SH3RF3: variants seen among roughly 807,000 people sequenced by gnomAD.
SH3RF3 encodes SH3 domain containing ring finger 3, also known as E3 ubiquitin-protein ligase SH3RF3.
In SH3RF3, 29 loss-of-function variants were observed where a neutral mutation model predicts 66.3. The observed-to-expected ratio is 0.44, with a 90% CI of 0.33 to 0.60. The LOEUF (loss-of-function observed/expected upper bound fraction) is 0.60, where lower values mean the gene tolerates loss of function less well. Ranked by LOEUF, SH3RF3 falls within the 20% of genes least tolerant of loss-of-function variation. The pLI is 0.04. For synonymous variants in SH3RF3, 583 were observed against 532.0 expected (o/e 1.10, Z -1.32); for missense variants, 1,194 against 1,190.9 (o/e 1.00, Z -0.04).
chr2:109,428,736 T>C (rs1433331816), intron 5 of SH3RF3, among the ~76,000 whole-genome samples: 1 of 152,220 alleles, frequency 6.6e-6, no homozygotes, highest in East Asian at 1.9e-4. Context: ...GCAGAGGTGA[T>C]GTCTGAGCAT....
chr2:109,312,284 T>C (rs1171654014), intron 1 of SH3RF3, among the ~76,000 whole-genome samples: 2 of 152,170 alleles, frequency 1.3e-5, no homozygotes, highest in Non-Finnish European at 2.9e-5. Context: ...CCACTTTTCT[T>C]GTGAATGAGC....
At chr2:109,447,193 G>GA (rs1241725685) in intron 7 of SH3RF3, among the ~76,000 whole-genome samples, 66 of 120,550 alleles carry the variant, frequency 5.5e-4, no homozygotes, top group African/African-American at 6.9e-4. Flanking sequence ...AAAGAAAACA[G>GA]AAAAAAAAAA....
At position 109,490,815 on chromosome 2, in the gene SH3RF3, G is replaced by A; in HGVS notation, c.2359G>A (p.Gly787Arg). The A allele has an allele frequency of 1.3e-6, 2 of 1,537,042 alleles. No homozygotes were observed. Among genetic ancestry groups the A allele is most frequent in the East Asian group, 2.4e-5 (1 of 40,900 alleles). The change falls in exon 9 of 10, where the codon GGG (glycine) becomes AGG (arginine). Residue 787 changes from glycine to arginine, a missense_variant. By Grantham distance (125) the Gly-to-Arg change is moderately radical. Transcript: ENST00000309415. ...PIESEMQGAM[G>R]MEPLHRKAGS... Reference sequence around the variant, plus strand: ...AGAGAGCGAGATGCAGGGTGCCATGGGGATGGAGCCTCTGCACAGGAAGGC... The same window carrying A: ...AGAGAGCGAGATGCAGGGTGCCATGAGGATGGAGCCTCTGCACAGGAAGGC...
At chr2:109,261,797 C>G (rs1475111043) in intron 1 of SH3RF3, among the ~76,000 whole-genome samples, 1 of 152,108 alleles carries the variant, frequency 6.6e-6, no homozygotes, top group East Asian at 1.9e-4. Flanking sequence ...GGAGGTGGGT[C>G]ACCCTACTGG....
intron 1 of SH3RF3, among the ~76,000 whole-genome samples, chr2:109,238,677 C>T (rs1679706032): frequency 6.6e-6 from 1 of 152,174 alleles, no homozygotes; most frequent in South Asian, 2.1e-4. Flanking sequence ...AGAGTGCTCA[C>T]AGGATGGCCT....
chr2:109,167,387 T>C (rs1417617673), intron 1 of SH3RF3, among the ~76,000 whole-genome samples: 2 of 152,198 alleles, frequency 1.3e-5, no homozygotes, highest in South Asian at 4.1e-4. Flanking sequence ...GGACCATATT[T>C]GATATAAAAG....
intron 2 of SH3RF3, among the ~76,000 whole-genome samples, chr2:109,361,904 G>A (rs940829447): frequency 1.3e-5 from 2 of 151,980 alleles, no homozygotes; most frequent in Non-Finnish European, 2.9e-5. Flanking sequence ...TAACATCCAT[G>A]GGACATACAG....
At chr2:109,132,961 A>C (rs1676731342) in intron 1 of SH3RF3, among the ~76,000 whole-genome samples, 1 of 152,348 alleles carries the variant, frequency 6.6e-6, no homozygotes, top group East Asian at 1.9e-4. Context: ...TTGTTTTGAA[A>C]ATTTTTTAAA....
Position 109,373,158 on chromosome 2 carries a change from C to G in SH3RF3, c.945+1477C>G, listed in dbSNP as rs1282598242. On this transcript the variant is annotated intron_variant, in intron 3 of 9. Transcript: ENST00000309415. ...CTCTCCTGTAAGATTCACATCTGCC[C>G]TCAACACTTCGCAAGTTTCCATGTA... Among the ~76,000 whole-genome samples the G allele has an allele frequency of 8.7e-4, 133 of 152,330 alleles. 3 individuals are homozygous for G. Among genetic ancestry groups the G allele is most frequent in the Admixed American group, 8.4e-3 (129 of 15,310 alleles).
intron 1 of SH3RF3, among the ~76,000 whole-genome samples, chr2:109,150,833 A>G (rs1677209965): frequency 6.6e-6 from 1 of 152,184 alleles, no homozygotes; most frequent in Admixed American, 6.5e-5. Flanking sequence ...TTAAAAAAAA[A>G]GTTTTGTGCT....
intron 1 of SH3RF3, among the ~76,000 whole-genome samples, chr2:109,292,352 G>T (rs1203129552): frequency 6.6e-6 from 1 of 152,152 alleles, no homozygotes; most frequent in East Asian, 1.9e-4. Context: ...TTTCAAACAT[G>T]GCTGGGATCA....
rs1303520772 is a variant in SH3RF3 at position 109,276,411 on chromosome 2, G to C, written c.574-71263G>C. ...GGTGATGGCCTGAGAGTGACTGTCA[G>C]TCCAGGCCCGTCTGAAGGCTGTGAC... On this transcript the variant is annotated intron_variant, in intron 1 of 9. Transcript: ENST00000309415. 3.9e-5 allele frequency among the ~76,000 whole-genome samples: 6 copies of C among 152,224 alleles called. No homozygotes were observed. The East Asian group carries it at 1.2e-3, about 29-fold the overall frequency.
chr2:109,132,041 C>T (rs928420768), intron 1 of SH3RF3, among the ~76,000 whole-genome samples: 10 of 152,152 alleles, frequency 6.6e-5, no homozygotes, highest in African/African-American at 1.9e-4. Context: ...ACAAAGATTT[C>T]GGCTGAAAAT....
chr2:109,178,590 T>C (rs1389921558), intron 1 of SH3RF3, among the ~76,000 whole-genome samples: 2 of 152,222 alleles, frequency 1.3e-5, no homozygotes, highest in East Asian at 3.8e-4. Context: ...TACGTTATTT[T>C]TCAGAACCAA....
chr2:109,229,615 T>C (rs1364471932), intron 1 of SH3RF3, among the ~76,000 whole-genome samples: 1 of 152,122 alleles, frequency 6.6e-6, no homozygotes, highest in Non-Finnish European at 1.5e-5. Context: ...GTTCACTATC[T>C]CTAGGAATTG....
rs562343008 is a variant in SH3RF3 at position 109,313,303 on chromosome 2, A to G, written c.574-34371A>G. ...CCCAAACCTGCTGTACATCCATCCC[A>G]AGGGGGGAGGCTGGCATCTGTGTTT... On this transcript the variant is annotated intron_variant, in intron 1 of 9. Coordinates refer to ENST00000309415, the MANE Select transcript of SH3RF3 (RefSeq NM_001099289.3). 5.3e-5 allele frequency among the ~76,000 whole-genome samples: 8 copies of G among 152,286 alleles called. 1 individual carries two copies. In the East Asian group the frequency reaches 1.2e-3, roughly 22 times the overall value.
chr2:109,436,458 C>T (rs1047468015), intron 6 of SH3RF3, among the ~76,000 whole-genome samples: 2 of 152,176 alleles, frequency 1.3e-5, no homozygotes, highest in South Asian at 2.1e-4. Context: ...CCAGCAGATG[C>T]GAGGTGGCAG....
At chr2:109,415,288 C>T (rs1676692407) in intron 4 of SH3RF3, among the ~76,000 whole-genome samples, 1 of 152,252 alleles carries the variant, frequency 6.6e-6, no homozygotes, top group Admixed American at 6.5e-5. Flanking sequence ...GAGGAACTAA[C>T]ACCACGGTGT....
chr2:109,486,340 A>G (rs1456643667), intron 8 of SH3RF3, among the ~76,000 whole-genome samples: 1 of 152,152 alleles, frequency 6.6e-6, no homozygotes, highest in African/African-American at 2.4e-5. Context: ...TTCTTTGTAT[A>G]CAGAGTTGGA....
Sources: allele counts gnomAD v4.1 joint callset (sites outside exome capture counted in the v4.1 genomes callset), GRCh38; gene constraint gnomAD v4.1.1; transcripts MANE v1.5; gene names NCBI Gene and HGNC (gene_info 2026-07-23, HGNC 2026-07-21).